The following PTPRS variants were observed in gnomAD, a reference collection of about 807,000 sequenced individuals.
PTPRS encodes receptor-type tyrosine-protein phosphatase S.
Under a neutral mutation model 215.3 loss-of-function variants are expected in PTPRS, and 63 were observed. The observed-to-expected ratio is 0.29, with a 90% CI of 0.24 to 0.36. The LOEUF (loss-of-function observed/expected upper bound fraction) is 0.36. Among genes scored for constraint, PTPRS ranks in the 10% least tolerant of loss-of-function variants. PTPRS has a pLI of 1.00. For synonymous variants in PTPRS, 1,404 were observed against 1,191.4 expected (o/e 1.18, Z -3.68); for missense variants, 2,258 against 2,825.8 (o/e 0.80, Z 4.56).
At chr19:5,286,485 A>G in intron 1 of PTPRS, 1 of 319,126 alleles carries the variant, frequency 3.1e-6, no homozygotes, top group Non-Finnish European at 6.1e-6. Flanking sequence ...CAGGAGATGG[A>G]GTGTTTGGGA....
At chr19:5,309,161 G>A (rs567030536) in intron 1 of PTPRS, among the ~76,000 whole-genome samples, 4 of 151,826 alleles carry the variant, frequency 2.6e-5, no homozygotes, top group South Asian at 2.1e-4. Flanking sequence ...AGGAAGGGGG[G>A]GTTGGCTGGC....
In PTPRS at chr19:5,257,335, G is replaced by A; in HGVS notation, c.706+682C>T. The A allele has an allele frequency of 2.3e-6, 1 of 438,868 alleles. No homozygotes were observed. Among genetic ancestry groups the A allele is most frequent in the Non-Finnish European group, 4.6e-6 (1 of 215,366 alleles). The allele number at this position is 438,868 out of a possible 1,614,324, so 27.2% of individuals were successfully genotyped here. On this transcript the variant is annotated intron_variant, in intron 8 of 37. Coordinates refer to ENST00000262963, the MANE Select transcript of PTPRS (RefSeq NM_002850.4). This position sits in a 1 kb window ranked among gnomAD's most constrained non-coding sequence, Gnocchi z 4.4. ...AACTGAGAGTAACAAGCTTCGCTGGGTGCCGTGCCTGCCCCAGCTCGGTGC... is the reference window on the plus strand; with the variant it reads ...AACTGAGAGTAACAAGCTTCGCTGGATGCCGTGCCTGCCCCAGCTCGGTGC...
Position 5,208,075 on chromosome 19 carries a change from A to T in PTPRS, c.5643-18T>A, listed in dbSNP as rs549497966. The T allele has an allele frequency of 6.2e-7, 1 of 1,606,488 alleles. No homozygotes were observed. The highest frequency in any genetic ancestry group is 8.5e-7 in the Non-Finnish European group (1 of 1,174,930). On this transcript the variant is annotated intron_variant, in intron 36 of 37. Coordinates refer to ENST00000262963, the MANE Select transcript of PTPRS (RefSeq NM_002850.4). ...CGCCGGCACTGGTGGCAGTAAAGTGAGCACAGCCATTCAGGGGCAGGTGCT... is the reference window on the plus strand; with the variant it reads ...CGCCGGCACTGGTGGCAGTAAAGTGTGCACAGCCATTCAGGGGCAGGTGCT...
chr19:5,252,904 A>T (rs1568486085), intron 9 of PTPRS, among the ~76,000 whole-genome samples: 2 of 151,402 alleles, frequency 1.3e-5, no homozygotes, highest in African/African-American at 4.9e-5. Flanking sequence ...AAAGTAAAAG[A>T]AAAAGAAAAT....
intron 4 of PTPRS, among the ~76,000 whole-genome samples, chr19:5,269,750 G>A (rs1365261580): frequency 4.6e-5 from 7 of 151,998 alleles, no homozygotes; most frequent in Admixed American, 4.6e-4. Flanking sequence ...GCGAAACACT[G>A]TGTCTACTAA....
intron 16 of PTPRS, among the ~76,000 whole-genome samples, chr19:5,227,057 T>C (rs577109734): frequency 6.6e-6 from 1 of 152,216 alleles, no homozygotes; most frequent in Non-Finnish European, 1.5e-5. Flanking sequence ...TTTACTCTTT[T>C]ATCTTATTGA....
chr19:5,306,462 T>G (rs922097104), intron 1 of PTPRS, among the ~76,000 whole-genome samples: 3 of 152,068 alleles, frequency 2.0e-5, no homozygotes, highest in African/African-American at 4.8e-5. Context: ...ATTTTTTTTT[T>G]GTATGTGAAA....
chr19:5,334,254 A>G (rs1361083894), intron 1 of PTPRS, among the ~76,000 whole-genome samples: 3 of 152,216 alleles, frequency 2.0e-5, no homozygotes, highest in South Asian at 2.1e-4. Flanking sequence ...AGGGCGGGGT[A>G]GCGGGGCGCG....
chr19:5,222,621 AG>A, intron 18 of PTPRS, 67 bp downstream of exon 18: 1 of 721,478 alleles, frequency 1.4e-6, no homozygotes, highest in Non-Finnish European at 1.7e-6. Context: ...GGGGAGAGGG[AG>A]GGGGCTGGGG....
Position 5,210,424 on chromosome 19 carries a change from T to A in PTPRS, c.5487+45A>T. ...ACCAACCAGGGCAGCCCTTTCCAGA[T>A]CACTAAGGCTCCAGCCCCTCCCGCC... is the stretch of plus-strand genomic sequence containing the variant. On this transcript the variant is annotated intron_variant, in intron 35 of 37. Coordinates refer to ENST00000262963, the MANE Select transcript of PTPRS (RefSeq NM_002850.4). This position sits in a 1 kb window ranked among gnomAD's most constrained non-coding sequence, Gnocchi z 4.5. The A allele has an allele frequency of 6.2e-7, 1 of 1,612,774 alleles. No individual in the cohort carries two copies. The highest frequency in any genetic ancestry group is 2.2e-5 in the East Asian group (1 of 44,866).
At chr19:5,325,760 C>T (rs1027616470) in intron 1 of PTPRS, among the ~76,000 whole-genome samples, 5 of 152,230 alleles carry the variant, frequency 3.3e-5, no homozygotes, top group Admixed American at 1.3e-4. Context: ...CCTCAGTAAA[C>T]AACTGTCAGG....
Position 5,258,057 on chromosome 19 carries a change from G to A in PTPRS, c.666C>T (p.Ala222=), listed in dbSNP as rs763701140. 2.4e-5 allele frequency: 39 copies of A among 1,614,026 alleles called. No homozygotes were observed. Among genetic ancestry groups the A allele is most frequent in the Middle Eastern group, 1.6e-4 (1 of 6,084 alleles). Residue 222 remains alanine (A), a synonymous_variant, in exon 8 of 38, where the codon GCC becomes GCT. Coordinates refer to ENST00000262963, the MANE Select transcript of PTPRS (RefSeq NM_002850.4). The part of the protein sequence containing the change: ...GKYECVATNS[A]GVRYSSPANL... ...TGGCAGGTGAGGAGTAGCGCACGCC[G>A]GCGCTGTTGGTGGCCACACACTCAT...
rs565712444 is a variant in PTPRS at position 5,206,356 on chromosome 19, C to G, written c.*418G>C. The stretch of plus-strand genomic sequence containing the variant: ...AGAAAGCTGGATTCTGGTCCCAGCC[C>G]AGTGTCCCCAGGCTGCAGAGCGGGG... On this transcript the variant is annotated 3_prime_UTR_variant, in exon 38 of 38. Coordinates refer to ENST00000262963, the MANE Select transcript of PTPRS (RefSeq NM_002850.4). The G allele has an allele frequency of 4.2e-6, 1 of 235,760 alleles. No individual in the cohort carries two copies. Among genetic ancestry groups the G allele is most frequent in the African/African-American group, 2.2e-5 (1 of 45,262 alleles). The allele number at this position is 235,760 out of a possible 1,614,324, so 14.6% of individuals were successfully genotyped here.
At chr19:5,315,208 C>G (rs774084456) in intron 1 of PTPRS, among the ~76,000 whole-genome samples, 1 of 152,034 alleles carries the variant, frequency 6.6e-6, no homozygotes, top group Non-Finnish European at 1.5e-5. Context: ...CCATCACTCA[C>G]GCCCAGAGCC....
At chr19:5,313,207 G>A (rs1162384607) in intron 1 of PTPRS, among the ~76,000 whole-genome samples, 1 of 152,190 alleles carries the variant, frequency 6.6e-6, no homozygotes, top group Non-Finnish European at 1.5e-5. Context: ...ATGAGCCACC[G>A]TGCCCGGTCC....
At chr19:5,302,672 T>C (rs866736417) in intron 1 of PTPRS, among the ~76,000 whole-genome samples, 29 of 152,222 alleles carry the variant, frequency 1.9e-4, no homozygotes, top group Middle Eastern at 6.8e-3. Flanking sequence ...AAGGGAGTCA[T>C]TGCTGGTGTG....
At chr19:5,269,992 G>C (rs573450708) in intron 4 of PTPRS, among the ~76,000 whole-genome samples, 1 of 151,296 alleles carries the variant, frequency 6.6e-6, no homozygotes, top group Non-Finnish European at 1.5e-5. Flanking sequence ...CCGGGGGACC[G>C]GGCAGTTGAT....
At chr19:5,329,756 C>A (rs978519945) in intron 1 of PTPRS, among the ~76,000 whole-genome samples, 1 of 146,652 alleles carries the variant, frequency 6.8e-6, no homozygotes, top group Non-Finnish European at 1.5e-5. Flanking sequence ...CAGAGCAACA[C>A]TCCATCTCCT....
chr19:5,328,209 C>T (rs556430287), intron 1 of PTPRS, among the ~76,000 whole-genome samples: 2 of 152,168 alleles, frequency 1.3e-5, no homozygotes, highest in South Asian at 2.1e-4. Flanking sequence ...CTCTGCCTCC[C>T]GGGTTCAAGC....
Sources: allele counts gnomAD v4.1 joint callset (sites outside exome capture counted in the v4.1 genomes callset), GRCh38; gene constraint gnomAD v4.1.1; non-coding constraint Gnocchi (gnomAD v3.1); transcripts MANE v1.5; gene names NCBI Gene and HGNC (gene_info 2026-07-23, HGNC 2026-07-21).